Variants in COL14A1 observed in about 807,000 individuals in gnomAD.
COL14A1 encodes collagen alpha-1(XIV) chain.
COL14A1 carries 136 observed loss-of-function variants against 230.3 expected under a neutral mutation model. The ratio of observed to expected loss-of-function variants is 0.59; its 90% CI spans 0.51 to 0.68. The LOEUF (loss-of-function observed/expected upper bound fraction) is 0.68. COL14A1 is among the 30% of genes least tolerant of loss of function. The pLI, the probability that COL14A1 is intolerant of heterozygous loss-of-function variation, is 0.00. For synonymous variants in COL14A1, 792 were observed against 784.1 expected, an observed-to-expected ratio of 1.01 and a Z score of -0.17; for missense variants, 1,976 against 2,215.8, an observed-to-expected ratio of 0.89 and a Z score of 2.17.
chr8:120,253,662 G>A (rs951154025), intron 22 of COL14A1, among the ~76,000 whole-genome samples: 15 of 152,146 alleles, frequency 9.9e-5, no homozygotes, highest in African/African-American at 3.1e-4. Context: ...AGTGGCTCAC[G>A]CCTGTAATCC....
intron 42 of COL14A1, among the ~76,000 whole-genome samples, chr8:120,337,879 A>C (rs1350570787): frequency 2.0e-5 from 3 of 152,238 alleles, no homozygotes; most frequent in Non-Finnish European, 4.4e-5. Flanking sequence ...ATTTCTTGCC[A>C]TAGAGATATT....
chr8:120,327,497 T>A (rs1821718403), intron 40 of COL14A1, among the ~76,000 whole-genome samples: 1 of 152,200 alleles, frequency 6.6e-6, no homozygotes, highest in South Asian at 2.1e-4. Flanking sequence ...CCTCCTGCAA[T>A]AAGTCAAATA....
At position 120,216,314 on chromosome 8, in the gene COL14A1, G is replaced by A. The variant is rs368237949; in HGVS notation, c.1598-37G>A. The A allele has an allele frequency of 7.0e-6, 11 of 1,567,652 alleles. No individual in the cohort carries two copies. In the African/African-American group the frequency reaches 1.5e-4, roughly 22 times the overall value. Reference sequence around the variant, plus strand: ...ATTTCTTTTTACATGTATGTAATTTGACATTTTAATTATTTTCTATTCCAT... The same window carrying A: ...ATTTCTTTTTACATGTATGTAATTTAACATTTTAATTATTTTCTATTCCAT... On this transcript the variant is annotated intron_variant, in intron 13 of 47. Coordinates refer to ENST00000297848, the MANE Select transcript of COL14A1 (RefSeq NM_021110.4).
In COL14A1 at chr8:120,200,767, T is replaced by A. The variant is rs6989678; in HGVS notation, c.877+1201T>A. 9.4e-3 allele frequency among the ~76,000 whole-genome samples: 974 copies of A among 104,010 alleles called. 7 individuals are homozygous for A. The highest frequency in any genetic ancestry group is 0.014 in the Non-Finnish European group (649 of 46,796). 68.2% of individuals were successfully genotyped at this position (104,010 alleles called of 152,430 possible). Reference sequence around the variant, plus strand: ...TATATATATATATATATATATATATTATTTTTCATCAGAGGAGGTTTCTGA... The same window carrying A: ...TATATATATATATATATATATATATAATTTTTCATCAGAGGAGGTTTCTGA... On this transcript the variant is annotated intron_variant, in intron 8 of 47. Transcript: ENST00000297848.
chr8:120,207,565 A>G (rs780804687), intron 10 of COL14A1, among the ~76,000 whole-genome samples: 1 of 152,216 alleles, frequency 6.6e-6, no homozygotes, highest in Admixed American at 6.5e-5. Flanking sequence ...AAAAGCCATA[A>G]TAAAGCCGCT....
rs1411932778 is a variant in COL14A1, at chr8:120,223,701, T to C, written c.1738-1387T>C. Among the ~76,000 whole-genome samples the C allele has an allele frequency of 5.9e-5, 9 of 152,230 alleles. 1 individual carries two copies. In the South Asian group the frequency reaches 1.9e-3, roughly 32 times the overall value. On this transcript the variant is annotated intron_variant, in intron 14 of 47. Coordinates refer to ENST00000297848, the MANE Select transcript of COL14A1 (RefSeq NM_021110.4). ...AACAACAACAAAAAAAGGGATCTTA[T>C]TGCTCTGCTCAAATGTCTCATGAGA...
At chr8:120,295,670 C>T (rs1328602230) in intron 34 of COL14A1, among the ~76,000 whole-genome samples, 1 of 151,726 alleles carries the variant, frequency 6.6e-6, no homozygotes, top group African/African-American at 2.4e-5. Flanking sequence ...TACACCTTCT[C>T]CTTAAACAAA....
intron 3 of COL14A1, among the ~76,000 whole-genome samples, chr8:120,159,438 T>G (rs1368374910): frequency 3.9e-5 from 6 of 152,068 alleles, no homozygotes; most frequent in African/African-American, 1.4e-4. Context: ...TAATACATAT[T>G]TGTATAATAT....
Position 120,278,110 on chromosome 8 carries a change from G to A in COL14A1, c.3214-1G>A. Reference sequence around the variant, plus strand: ...AAAATGAATACACCTTCTCTCTCCAGGTTGCAATGGTTCAGTTCACTGATG... The same window carrying A: ...AAAATGAATACACCTTCTCTCTCCAAGTTGCAATGGTTCAGTTCACTGATG... On this transcript the variant is annotated splice_acceptor_variant, in intron 26 of 47. Transcript: ENST00000297848. LOFTEE classifies it high-confidence loss of function. 4 of 1,601,284 alleles carry A rather than the reference G, an allele frequency of 2.5e-6. No individual in the cohort carries two copies. The highest frequency in any genetic ancestry group is 3.4e-6 in the Non-Finnish European group (4 of 1,175,258).
Position 120,158,253 on chromosome 8 carries a change from A to G in COL14A1, c.205+7A>G. 2 of 1,503,620 alleles carry G rather than the reference A, an allele frequency of 1.3e-6. No homozygotes were observed. The highest frequency in any genetic ancestry group is 1.7e-4 in the Middle Eastern group (1 of 5,874). 93.1% of individuals were successfully genotyped at this position (1,503,620 alleles called of 1,614,324 possible). On this transcript the variant is annotated splice_region_variant and intron_variant, in intron 3 of 47. Transcript: ENST00000297848. ...CTTGTGACTCCAACTTCAGGTAAAA[A>G]CAATTGACTTTGTTTTGTAGAGCAT...
At chr8:120,192,453 A>C (rs1192652252) in intron 5 of COL14A1, among the ~76,000 whole-genome samples, 3 of 152,100 alleles carry the variant, frequency 2.0e-5, no homozygotes, top group Non-Finnish European at 4.4e-5. Flanking sequence ...GGGTAACCCG[A>C]CCTTTCTCTC....
chr8:120,142,825 T>C (rs1323707486), intron 1 of COL14A1, among the ~76,000 whole-genome samples: 2 of 152,214 alleles, frequency 1.3e-5, no homozygotes, highest in African/African-American at 2.4e-5. Context: ...TAGACTGTGA[T>C]TGGATATTTA....
chr8:120,204,572 A>G (rs1486081564), intron 9 of COL14A1, among the ~76,000 whole-genome samples: 1 of 152,134 alleles, frequency 6.6e-6, no homozygotes, highest in Non-Finnish European at 1.5e-5. Context: ...CCATTCACAC[A>G]TTGAGGGGCA....
chr8:120,159,852 T>G (rs1230862433), intron 3 of COL14A1, among the ~76,000 whole-genome samples: 1 of 152,012 alleles, frequency 6.6e-6, no homozygotes, highest in Non-Finnish European at 1.5e-5. Context: ...CCACCATGCC[T>G]GGCTAATTTT....
chr8:120,356,970 T>A (rs1031776156), intron 45 of COL14A1, among the ~76,000 whole-genome samples: 3 of 149,544 alleles, frequency 2.0e-5, no homozygotes, highest in African/African-American at 7.4e-5. Context: ...TTGCTCTTCT[T>A]TTTCTTCTTT....
chr8:120,356,498 A>C (rs1822989863), intron 45 of COL14A1, among the ~76,000 whole-genome samples: 1 of 152,228 alleles, frequency 6.6e-6, no homozygotes, highest in South Asian at 2.1e-4. Flanking sequence ...AGCATCTACT[A>C]CACTTCCAGC....
rs1416496551 is a variant in COL14A1, at chr8:120,297,400, T to A, written c.4237-111T>A. The A allele has an allele frequency of 4.2e-5, 20 of 480,686 alleles. No individual in the cohort carries two copies. The East Asian group carries it at 7.7e-4, about 18-fold the overall frequency. The allele number at this position is 480,686 out of a possible 1,614,324, so 29.8% of individuals were successfully genotyped here. A position where few individuals can be genotyped will look rare whatever the true frequency, so the allele number is the denominator to read the frequency against. ...GAGTTACTTTTTAATTTACTTACTG[T>A]AATGTATTATTAATGTATTGGTATT... is the stretch of plus-strand genomic sequence containing the variant. On this transcript the variant is annotated intron_variant, in intron 34 of 47. Coordinates refer to ENST00000297848, the MANE Select transcript of COL14A1 (RefSeq NM_021110.4).
intron 42 of COL14A1, among the ~76,000 whole-genome samples, chr8:120,333,717 G>C (rs10100328): frequency 8.9e-4 from 135 of 152,260 alleles, no homozygotes; most frequent in African/African-American, 3.1e-3. Context: ...GGAAGGTGTC[G>C]GTATTTCCTT....
intron 7 of COL14A1, 38 bp from the exon 8 acceptor site, chr8:120,199,364 G>A (rs1373802989): frequency 6.6e-7 from 1 of 1,515,522 alleles, no homozygotes; most frequent in African/African-American, 1.4e-5. Context: ...CTTTTTATTA[G>A]AGATAGCTGG....
Sources: allele counts gnomAD v4.1 joint callset (sites outside exome capture counted in the v4.1 genomes callset), GRCh38; gene constraint gnomAD v4.1.1; transcripts MANE v1.5; gene names NCBI Gene and HGNC (gene_info 2026-07-23, HGNC 2026-07-21).